Variants in AIM2 observed in about 807,000 individuals in gnomAD.
AIM2 encodes interferon-inducible protein AIM2.
AIM2 carries 30 observed loss-of-function variants against 27.7 expected under a neutral mutation model. That is an observed-to-expected ratio of 1.08 (90% CI 0.81 to 1.47). The LOEUF (loss-of-function observed/expected upper bound fraction) is 1.47, where lower values mean the gene tolerates loss of function less well. Ranked by LOEUF, AIM2 falls within the 40% of genes most tolerant of loss-of-function variation. The probability of loss-of-function intolerance (pLI) is 0.00; values close to 1 mark genes in which losing one functional copy is unlikely to be tolerated. For synonymous variants in AIM2, 141 were observed against 145.3 expected (o/e 0.97, Z 0.21); for missense variants, 358 against 411.3 (o/e 0.87, Z 1.12).
intron 1 of AIM2, chr1:159,132,497 A>C (rs1457599396): frequency 1.3e-5 from 2 of 152,216 alleles, no homozygotes; most frequent in African/African-American, 4.8e-5. Flanking sequence ...CCCTGAACCA[A>C]TGAATGTGAA....
intron 3 of AIM2, among the ~76,000 whole-genome samples, chr1:159,066,549 G>A (rs897465069): frequency 1.3e-5 from 2 of 152,106 alleles, no homozygotes; most frequent in South Asian, 2.1e-4. Context: ...CAGATAAGAC[G>A]GTGTAACACG....
At chr1:159,139,945 T>C (rs549872573) in intron 1 of AIM2, among the ~76,000 whole-genome samples, 2 of 152,288 alleles carry the variant, frequency 1.3e-5, no homozygotes, top group Middle Eastern at 3.4e-3. Flanking sequence ...AGCACCTCCA[T>C]TACCATGCTA....
At chr1:159,062,760 T>C in intron 5 of AIM2, 42 bp from the exon 6 acceptor site, 2 of 1,594,464 alleles carry the variant, frequency 1.3e-6, no homozygotes, top group Middle Eastern at 1.7e-4. Context: ...ATGCAGTCGA[T>C]GAGTGGCCCC....
At chr1:159,083,072 TAA>T (rs1236722450) in intron 1 of AIM2, among the ~76,000 whole-genome samples, 1 of 152,164 alleles carries the variant, frequency 6.6e-6, no homozygotes, top group African/African-American at 2.4e-5. Context: ...AACAAATTAT[TAA>T]AGATATGTCA....
At chr1:159,095,301 A>G (rs565823563) in intron 1 of AIM2, among the ~76,000 whole-genome samples, 1 of 152,346 alleles carries the variant, frequency 6.6e-6, no homozygotes, top group East Asian at 1.9e-4. Context: ...GAAATGATTC[A>G]GCCATTTCCC....
chr1:159,101,228 C>T (rs919770559), intron 1 of AIM2, among the ~76,000 whole-genome samples: 1 of 152,092 alleles, frequency 6.6e-6, no homozygotes, highest in Non-Finnish European at 1.5e-5. Flanking sequence ...CCCATGATAT[C>T]GAGTGGGTTC....
At chr1:159,107,672 C>G (rs886302084) in intron 1 of AIM2, among the ~76,000 whole-genome samples, 1 of 151,956 alleles carries the variant, frequency 6.6e-6, no homozygotes, top group African/African-American at 2.4e-5. Context: ...CAAGATTAAC[C>G]AAGGAAAGAA....
At chr1:159,135,246 T>C (rs1243523625) in intron 1 of AIM2, among the ~76,000 whole-genome samples, 1 of 152,232 alleles carries the variant, frequency 6.6e-6, no homozygotes, top group Non-Finnish European at 1.5e-5. Flanking sequence ...AACCTGTCTC[T>C]AGATTACTTT....
intron 1 of AIM2, among the ~76,000 whole-genome samples, chr1:159,104,608 A>C (rs1657388321): frequency 6.6e-6 from 1 of 152,232 alleles, no homozygotes; most frequent in South Asian, 2.1e-4. Context: ...GTGTCTTATG[A>C]GTGATTTTTA....
intron 2 of AIM2, among the ~76,000 whole-genome samples, chr1:159,071,387 A>C (rs1338496381): frequency 6.6e-6 from 1 of 152,260 alleles, no homozygotes; most frequent in Non-Finnish European, 1.5e-5. Context: ...TAGAAATAGC[A>C]TGGACACACA....
chr1:159,063,364 G>A (rs1380259916), intron 5 of AIM2, 122 bp downstream of exon 5: 10 of 888,044 alleles, frequency 1.1e-5, no homozygotes, highest in African/African-American at 8.5e-5. Context: ...TGAGATGAAC[G>A]TGTACTAAAT....
At chr1:159,125,801 T>C (rs1647671355) in intron 1 of AIM2, among the ~76,000 whole-genome samples, 1 of 152,146 alleles carries the variant, frequency 6.6e-6, no homozygotes, top group South Asian at 2.1e-4. Context: ...AAAAAGTGCT[T>C]ACTCCAGGAA....
intron 1 of AIM2, among the ~76,000 whole-genome samples, chr1:159,108,499 C>T (rs771361424): frequency 6.6e-6 from 1 of 152,164 alleles, no homozygotes; most frequent in Non-Finnish European, 1.5e-5. Context: ...AGGATGCCCA[C>T]TCTCACCACT....
chr1:159,062,518 T>C lies in AIM2; in HGVS notation c.*174A>G. 1 of 624,828 alleles carries C rather than the reference T, an allele frequency of 1.6e-6. No individual in the cohort carries two copies. Among genetic ancestry groups the C allele is most frequent in the Non-Finnish European group, 2.8e-6 (1 of 351,496 alleles). 38.7% of individuals were successfully genotyped at this position (624,828 alleles called of 1,614,324 possible). A position where few individuals can be genotyped will look rare whatever the true frequency, so the allele number is the denominator to read the frequency against. On this transcript the variant is annotated 3_prime_UTR_variant, in exon 6 of 6. Transcript: ENST00000368130. ...AACAGATGTTTATTGTGATCATCTG[T>C]TGATATTCTGAATTTGTTTATCCAG...
At chr1:159,126,208 A>G (rs1647680970) in intron 1 of AIM2, among the ~76,000 whole-genome samples, 1 of 152,224 alleles carries the variant, frequency 6.6e-6, no homozygotes, top group Admixed American at 6.5e-5. Context: ...AGGACGAAGG[A>G]AAATGCAAGA....
At chr1:159,141,063 A>T (rs1410811627), upstream of AIM2, among the ~76,000 whole-genome samples, 2 of 152,148 alleles carry the variant, frequency 1.3e-5, no homozygotes, top group African/African-American at 4.8e-5. Flanking sequence ...TCAGAAAGTG[A>T]GTGATGAGCT....
At chr1:159,142,409 G>C (rs143937773), upstream of AIM2, among the ~76,000 whole-genome samples, 75 of 152,302 alleles carry the variant, frequency 4.9e-4, 2 homozygotes, top group Middle Eastern at 0.027. Flanking sequence ...GTGTGAGAGA[G>C]TGTGTGTATG....
rs1656084068 is a variant in AIM2, at chr1:159,066,186, T to C, written c.540A>G (p.Thr180=). ...AGAAGAATTCCTTTTCTGTAGCCAC[T>C]GTAGCATGAAACATCTCCTGCTTGC... ...QEGKQEMFHA[T]VATEKEFFFV... is the part of the protein sequence containing the mutation. The change falls in exon 4 of 6, where the codon ACA becomes ACG. Residue 180 remains threonine (T), a synonymous_variant. Coordinates refer to ENST00000368130, the MANE Select transcript of AIM2 (RefSeq NM_004833.3). The C allele has an allele frequency of 1.2e-6, 2 of 1,614,234 alleles. No individual in the cohort carries two copies. Among genetic ancestry groups the C allele is most frequent in the Non-Finnish European group, 1.7e-6 (2 of 1,180,036 alleles).
intron 1 of AIM2, among the ~76,000 whole-genome samples, chr1:159,130,051 A>G (rs1647824463): frequency 6.6e-6 from 1 of 152,202 alleles, no homozygotes; most frequent in African/African-American, 2.4e-5. Flanking sequence ...TCCTAAAGGA[A>G]ACGTCGGCCC....
Sources: allele counts gnomAD v4.1 joint callset (sites outside exome capture counted in the v4.1 genomes callset), GRCh38; gene constraint gnomAD v4.1.1; transcripts MANE v1.5; gene names NCBI Gene and HGNC (gene_info 2026-07-23, HGNC 2026-07-21).